Variants in ZRANB3 observed in about 807,000 individuals in gnomAD.
ZRANB3 encodes the protein zinc finger RANBP2-type containing 3.
Under a neutral mutation model 133.8 loss-of-function variants are expected in ZRANB3, and 125 were observed. The ratio of observed to expected loss-of-function variants is 0.93; its 90% CI spans 0.81 to 1.08. The LOEUF (loss-of-function observed/expected upper bound fraction) is 1.08. Ranked by LOEUF, ZRANB3 falls within the 50% of genes least tolerant of loss-of-function variation. The pLI, the probability that ZRANB3 is intolerant of heterozygous loss-of-function variation, is 0.00. For missense variants in ZRANB3, 1,229 were observed against 1,275.5 expected (o/e 0.96, Z 0.56); for synonymous variants, 387 against 432.7 (o/e 0.89, Z 1.31).
intron 1 of ZRANB3, among the ~76,000 whole-genome samples, chr2:135,509,214 A>C (rs1362614468): frequency 7.2e-5 from 11 of 152,118 alleles, no homozygotes; most frequent in Non-Finnish European, 1.3e-4. Context: ...GTCCATTATT[A>C]AAGTCACATT....
At chr2:135,476,342 G>C (rs1691497822) in intron 2 of ZRANB3, among the ~76,000 whole-genome samples, 2 of 152,158 alleles carry the variant, frequency 1.3e-5, no homozygotes, top group Non-Finnish European at 2.9e-5. Context: ...TAAAATGACA[G>C]AAGTATTTAT....
rs1171313380 is a variant in ZRANB3, at chr2:135,496,234, A to G, written c.161+8095T>C. The stretch of plus-strand genomic sequence containing the variant: ...TCCATCTCTACTAAAAATACAAAAC[A>G]TTAGCCAGGCGTGGTGGCGTGCGAC... On this transcript the variant is annotated intron_variant, in intron 2 of 20. Coordinates refer to ENST00000264159, the MANE Select transcript of ZRANB3 (RefSeq NM_032143.4). Among the ~76,000 whole-genome samples, 6 of 151,950 alleles carry G rather than the reference A, an allele frequency of 3.9e-5. No individual in the cohort carries two copies. In the East Asian group the frequency reaches 9.7e-4, roughly 25 times the overall value.
At chr2:135,407,944 C>T (rs886158969) in intron 2 of ZRANB3, among the ~76,000 whole-genome samples, 2 of 149,146 alleles carry the variant, frequency 1.3e-5, no homozygotes, top group Non-Finnish European at 2.9e-5. Flanking sequence ...ACACCAAAAG[C>T]AATGGCAACA....
At chr2:135,302,914 A>G (rs1292217863) in intron 8 of ZRANB3, among the ~76,000 whole-genome samples, 1 of 152,186 alleles carries the variant, frequency 6.6e-6, no homozygotes, top group Non-Finnish European at 1.5e-5. Flanking sequence ...TGTATTCAGT[A>G]TTATATACAA....
intron 3 of ZRANB3, among the ~76,000 whole-genome samples, chr2:135,359,413 GT>G (rs1259704406): frequency 6.6e-6 from 1 of 151,938 alleles, no homozygotes; most frequent in Non-Finnish European, 1.5e-5. Flanking sequence ...GAGAGACTCT[GT>G]CTCTATAGAA....
At chr2:135,348,088 G>A (rs939390934) in intron 5 of ZRANB3, among the ~76,000 whole-genome samples, 3 of 151,788 alleles carry the variant, frequency 2.0e-5, no homozygotes, top group African/African-American at 2.4e-5. Context: ...GTAAAATCCC[G>A]TCTCTACTCA....
chr2:135,426,586 T>C (rs1442625171), intron 2 of ZRANB3, among the ~76,000 whole-genome samples: 1 of 151,450 alleles, frequency 6.6e-6, no homozygotes, highest in African/African-American at 2.4e-5. Flanking sequence ...TCCCAGCAGT[T>C]TGGGAGGCTG....
chr2:135,419,617 G>A (rs562291769), intron 2 of ZRANB3, among the ~76,000 whole-genome samples: 1 of 151,734 alleles, frequency 6.6e-6, no homozygotes, highest in African/African-American at 2.4e-5. Context: ...ATTGTTTTGA[G>A]ATAACTATCC....
chr2:135,430,088 A>C (rs1221906876), intron 2 of ZRANB3, among the ~76,000 whole-genome samples: 1 of 152,024 alleles, frequency 6.6e-6, no homozygotes, highest in Non-Finnish European at 1.5e-5. Flanking sequence ...GGGTGGGAGG[A>C]TCACTTGAGC....
intron 13 of ZRANB3, 74 bp from the exon 14 acceptor site, chr2:135,228,089 AG>A (rs1694830053): frequency 8.0e-7 from 1 of 1,248,536 alleles, no homozygotes; most frequent in East Asian, 2.6e-5. Flanking sequence ...TGTAACAGTT[AG>A]GTCTTATAAA....
At chr2:135,249,652 C>G (rs552229795) in intron 12 of ZRANB3, among the ~76,000 whole-genome samples, 18 of 152,168 alleles carry the variant, frequency 1.2e-4, no homozygotes, top group Non-Finnish European at 2.2e-4. Context: ...GTTTTTCCTG[C>G]GCTAGTCTAG....
At chr2:135,263,936 C>T (rs868784973) in intron 12 of ZRANB3, among the ~76,000 whole-genome samples, 16 of 151,124 alleles carry the variant, frequency 1.1e-4, no homozygotes. Flanking sequence ...CCATGACGCC[C>T]GGCTAATTTT....
chr2:135,362,466 C>G (rs938099502), intron 3 of ZRANB3, among the ~76,000 whole-genome samples: 2 of 152,062 alleles, frequency 1.3e-5, no homozygotes, highest in African/African-American at 4.8e-5. Flanking sequence ...CCTTAGAGAG[C>G]AGCAGGATGA....
chr2:135,381,533 C>T (rs114577235), intron 3 of ZRANB3, among the ~76,000 whole-genome samples: 1,579 of 152,244 alleles, frequency 0.01, 25 homozygotes, highest in African/African-American at 0.036. Context: ...GATCTGAGAA[C>T]GGATAGACTG....
chr2:135,219,938 C>T (rs1342757295), intron 15 of ZRANB3, among the ~76,000 whole-genome samples: 2 of 151,992 alleles, frequency 1.3e-5, no homozygotes, highest in Middle Eastern at 3.2e-3. Context: ...GCAGCATGAT[C>T]TCAGCTCACT....
intron 20 of ZRANB3, among the ~76,000 whole-genome samples, chr2:135,200,921 A>G (rs960244147): frequency 5.3e-5 from 8 of 152,012 alleles, no homozygotes; most frequent in African/African-American, 1.9e-4. Flanking sequence ...ACACCCAGCT[A>G]ATTTTTGTAT....
At chr2:135,369,034 G>T (rs1686059201) in intron 3 of ZRANB3, among the ~76,000 whole-genome samples, 1 of 151,822 alleles carries the variant, frequency 6.6e-6, no homozygotes, top group African/African-American at 2.4e-5. Context: ...CTTTGGAGGG[G>T]TGAAAATAAA....
At chr2:135,484,916 G>A (rs573844882) in intron 2 of ZRANB3, among the ~76,000 whole-genome samples, 2 of 151,746 alleles carry the variant, frequency 1.3e-5, no homozygotes, top group Admixed American at 6.6e-5. Flanking sequence ...GGCACCTGTA[G>A]TCCCAGCTAC....
At chr2:135,404,094 T>A (rs907140180) in intron 2 of ZRANB3, among the ~76,000 whole-genome samples, 5 of 152,168 alleles carry the variant, frequency 3.3e-5, no homozygotes, top group Non-Finnish European at 5.9e-5. Flanking sequence ...GGAACAAAGC[T>A]GGATGCAGAA....
Sources: gnomAD v4.1 joint callset for allele counts (sites outside exome capture counted in the v4.1 genomes callset) on GRCh38, gnomAD v4.1.1 for gene constraint, MANE v1.5 for transcripts, NCBI Gene and HGNC (gene_info 2026-07-23, HGNC 2026-07-21) for gene names.